The following NRG3 variants were observed in gnomAD, a reference collection of about 807,000 sequenced individuals.
NRG3 encodes pro-neuregulin-3, membrane-bound isoform.
NRG3 carries 31 observed loss-of-function variants against 66.9 expected under a neutral mutation model. The observed-to-expected ratio is 0.46, with a 90% CI of 0.35 to 0.63. NRG3 has a LOEUF of 0.63. Ranked by LOEUF, NRG3 falls within the 20% of genes least tolerant of loss-of-function variation. NRG3 has a pLI of 0.00. For missense variants in NRG3, 910 were observed against 878.9 expected (o/e 1.04, Z -0.45); for synonymous variants, 393 against 359.4 (o/e 1.09, Z -1.06).
chr10:82,445,048 C>T (rs1410707434), intron 2 of NRG3, among the ~76,000 whole-genome samples: 1 of 152,128 alleles, frequency 6.6e-6, no homozygotes, highest in Non-Finnish European at 1.5e-5. Flanking sequence ...TAATTAATAT[C>T]CTCTGTCTAA....
intron 2 of NRG3, among the ~76,000 whole-genome samples, chr10:82,521,899 TCATC>T (rs2132548705): frequency 6.6e-6 from 1 of 152,276 alleles, no homozygotes; most frequent in African/African-American, 2.4e-5. Flanking sequence ...CTTTCTTTGT[TCATC>T]CATAAAATGC....
At chr10:82,132,010 AT>A (rs1750730696) in intron 1 of NRG3, among the ~76,000 whole-genome samples, 1 of 151,950 alleles carries the variant, frequency 6.6e-6, no homozygotes, top group Non-Finnish European at 1.5e-5. Context: ...TCCTTTCCAA[AT>A]TGGTTGCCAT....
chr10:82,961,427 A>G (rs1462746770), intron 6 of NRG3, among the ~76,000 whole-genome samples: 2 of 152,246 alleles, frequency 1.3e-5, no homozygotes, highest in Admixed American at 6.5e-5. Flanking sequence ...CTAACAATTA[A>G]TTTATACCCA....
At chr10:82,122,741 AC>A (rs1284253819) in intron 1 of NRG3, among the ~76,000 whole-genome samples, 1 of 152,190 alleles carries the variant, frequency 6.6e-6, no homozygotes, top group Non-Finnish European at 1.5e-5. Context: ...ATTTGACTAA[AC>A]AGGAACTTGC....
chr10:82,065,290 A>G (rs1421413807), intron 1 of NRG3, among the ~76,000 whole-genome samples: 1 of 152,184 alleles, frequency 6.6e-6, no homozygotes, highest in Non-Finnish European at 1.5e-5. Context: ...CAATTGCAGA[A>G]CACTCTGCTT....
intron 3 of NRG3, among the ~76,000 whole-genome samples, chr10:82,745,724 G>T (rs375060780): frequency 6.6e-6 from 1 of 151,982 alleles, no homozygotes; most frequent in African/African-American, 2.4e-5. Flanking sequence ...TACCAATCAT[G>T]TATGCAAACA....
chr10:82,046,049 G>A (rs1376417339), intron 1 of NRG3, among the ~76,000 whole-genome samples: 2 of 142,060 alleles, frequency 1.4e-5, no homozygotes, highest in African/African-American at 5.2e-5. Context: ...TTGGCAATGT[G>A]GGCTCTTTTT....
At chr10:81,941,685 A>G (rs981087602) in intron 1 of NRG3, among the ~76,000 whole-genome samples, 6 of 152,182 alleles carry the variant, frequency 3.9e-5, no homozygotes, top group Middle Eastern at 3.4e-3. Context: ...TGCTTTTCCT[A>G]GCAGTATGTC....
intron 2 of NRG3, among the ~76,000 whole-genome samples, chr10:82,718,159 A>G (rs746779478): frequency 6.6e-5 from 10 of 152,202 alleles, no homozygotes; most frequent in Non-Finnish European, 1.0e-4. Flanking sequence ...CACTGGCTTT[A>G]CCCTAATTTC....
chr10:81,956,696 A>G (rs568131702), intron 1 of NRG3, among the ~76,000 whole-genome samples: 1 of 151,998 alleles, frequency 6.6e-6, no homozygotes, highest in Non-Finnish European at 1.5e-5. Context: ...TTTCCCTACT[A>G]CAGATTATAT....
intron 1 of NRG3, among the ~76,000 whole-genome samples, chr10:82,036,990 A>T (rs1474703802): frequency 6.6e-6 from 1 of 152,142 alleles, no homozygotes; most frequent in Non-Finnish European, 1.5e-5. Flanking sequence ...CACTGTATGA[A>T]TTTGATTATA....
chr10:82,500,564 A>G (rs1044784712), intron 2 of NRG3, among the ~76,000 whole-genome samples: 1 of 152,214 alleles, frequency 6.6e-6, no homozygotes, highest in Non-Finnish European at 1.5e-5. Context: ...AACAGCAGCT[A>G]GATCATTCTA....
chr10:82,649,068 C>G (rs965074020), intron 2 of NRG3, among the ~76,000 whole-genome samples: 1 of 152,128 alleles, frequency 6.6e-6, no homozygotes, highest in African/African-American at 2.4e-5. Context: ...TGGCACAAGA[C>G]AGGGATGCCC....
chr10:82,635,038 A>C (rs1013874517), intron 2 of NRG3, among the ~76,000 whole-genome samples: 3 of 152,192 alleles, frequency 2.0e-5, no homozygotes, highest in Non-Finnish European at 4.4e-5. Context: ...AAGAATACTT[A>C]TATCTTTTGG....
At chr10:82,724,722 G>C (rs948608943) in intron 2 of NRG3, among the ~76,000 whole-genome samples, 3 of 152,068 alleles carry the variant, frequency 2.0e-5, no homozygotes, top group African/African-American at 7.2e-5. Flanking sequence ...TGGACACTTT[G>C]CCCCCTTTTT....
intron 2 of NRG3, among the ~76,000 whole-genome samples, chr10:82,475,622 G>A (rs966955225): frequency 5.9e-5 from 9 of 151,954 alleles, no homozygotes; most frequent in Admixed American, 5.9e-4. Context: ...AAATTATATT[G>A]GAAAAATTGG....
intron 1 of NRG3, among the ~76,000 whole-genome samples, chr10:82,204,709 A>G (rs943445623): frequency 2.0e-5 from 3 of 152,186 alleles, no homozygotes; most frequent in Non-Finnish European, 4.4e-5. Flanking sequence ...GTCCTCACCT[A>G]TATAAGAGAT....
At chr10:82,056,837 G>A (rs917822162) in intron 1 of NRG3, among the ~76,000 whole-genome samples, 1 of 152,114 alleles carries the variant, frequency 6.6e-6, no homozygotes, top group Non-Finnish European at 1.5e-5. Flanking sequence ...GTTTGCTATT[G>A]AGAAGCCAGT....
chr10:82,761,952 C>CTT (rs201017499), intron 3 of NRG3, among the ~76,000 whole-genome samples: 1 of 123,878 alleles, frequency 8.1e-6, no homozygotes, highest in Admixed American at 8.3e-5. Flanking sequence ...TTCTTTCTTT[C>CTT]TTTCTTTCTT....
Sources: allele counts gnomAD v4.1 joint callset (sites outside exome capture counted in the v4.1 genomes callset), GRCh38; gene constraint gnomAD v4.1.1; transcripts MANE v1.5; gene names NCBI Gene and HGNC (gene_info 2026-07-23, HGNC 2026-07-21).